ADSS1: variants seen among roughly 807,000 people sequenced by gnomAD.
ADSS1 encodes the protein adenylosuccinate synthetase isozyme 1.
Under a neutral mutation model 59.1 loss-of-function variants are expected in ADSS1, and 57 were observed. The observed-to-expected ratio is 0.97, with a 90% CI of 0.78 to 1.20. ADSS1 has a LOEUF of 1.20. Ranked by LOEUF, ADSS1 falls within the 50% of genes most tolerant of loss-of-function variation. The pLI is 0.00. For missense variants in ADSS1, 603 were observed against 610.3 expected, an observed-to-expected ratio of 0.99 and a Z score of 0.13; for synonymous variants, 247 against 249.4, an observed-to-expected ratio of 0.99 and a Z score of 0.09.
rs1891240553 is a variant in ADSS1, at chr14:104,739,228, C to T, written c.359-100C>T. On this transcript the variant is annotated intron_variant, in intron 3 of 12. Coordinates refer to ENST00000330877, the MANE Select transcript of ADSS1 (RefSeq NM_152328.5). ...TCAGCCTCCTCCCTGCATGCCTTAC[C>T]TGGATGGGAGCCGGGCGAGCTAGCC... 5 of 1,315,048 alleles carry T rather than the reference C, an allele frequency of 3.8e-6. No homozygotes were observed. The South Asian group carries it at 6.5e-5, about 17-fold the overall frequency. 81.5% of individuals were successfully genotyped at this position (1,315,048 alleles called of 1,614,324 possible). A position where few individuals can be genotyped will look rare whatever the true frequency, so the allele number is the denominator to read the frequency against.
intron 12 of ADSS1, 112 bp downstream of exon 12, chr14:104,746,497 C>A: frequency 1.4e-6 from 2 of 1,385,042 alleles, no homozygotes; most frequent in Non-Finnish European, 1.9e-6. Context: ...GGTCACCAAG[C>A]GAATATATTG....
At position 104,735,662 on chromosome 14, in the gene ADSS1, G is replaced by A. The variant is rs117966472; in HGVS notation, c.295+540G>A. Among the ~76,000 whole-genome samples, 362 of 152,272 alleles carry A rather than the reference G, an allele frequency of 2.4e-3. 3 individuals carry two copies. In the South Asian group the frequency reaches 0.027, roughly 11 times the overall value. Reference sequence around the variant, plus strand: ...CCCCTTCCCAGTCCGTGCTGCAGAGGGACCTCCTTCCACATCGCCTGCCCC... The same window carrying A: ...CCCCTTCCCAGTCCGTGCTGCAGAGAGACCTCCTTCCACATCGCCTGCCCC... On this transcript the variant is annotated intron_variant, in intron 2 of 12. Transcript: ENST00000330877.
chr14:104,741,520 C>T (rs112092024), intron 8 of ADSS1, among the ~76,000 whole-genome samples: 6 of 152,272 alleles, frequency 3.9e-5, no homozygotes, highest in African/African-American at 1.2e-4. Context: ...CAGAGCCAGC[C>T]CTTCCGATGG....
At chr14:104,746,183 C>T in intron 11 of ADSS1, 53 bp from the exon 12 acceptor site, 1 of 1,552,208 alleles carries the variant, frequency 6.4e-7, no homozygotes, top group Non-Finnish European at 8.8e-7. Context: ...TATCCGCTTC[C>T]CTGGTGATAG....
intron 1 of ADSS1, 78 bp from the exon 2 acceptor site, chr14:104,734,942 A>C: frequency 7.9e-7 from 1 of 1,272,322 alleles, no homozygotes; most frequent in Non-Finnish European, 1.1e-6. Context: ...GGACAGACGA[A>C]GCCCCATGTG....
Position 104,724,233 on chromosome 14 carries a change from T to A in ADSS1, c.-38T>A. On this transcript the variant is annotated 5_prime_UTR_variant, in exon 1 of 13. Transcript: ENST00000330877. Reference sequence around the variant, plus strand: ...GGCGCGGACGCCGGCGGCGGCGGGCTCCTGGCCGGGCCAGCGCAGCGGAAG... The same window carrying A: ...GGCGCGGACGCCGGCGGCGGCGGGCACCTGGCCGGGCCAGCGCAGCGGAAG... 1 of 1,220,946 alleles carries A rather than the reference T, an allele frequency of 8.2e-7. No homozygotes were observed. The highest frequency in any genetic ancestry group is 1.0e-6 in the Non-Finnish European group (1 of 980,672). 75.6% of individuals were successfully genotyped at this position (1,220,946 alleles called of 1,614,324 possible). A position where few individuals can be genotyped will look rare whatever the true frequency, so the allele number is the denominator to read the frequency against.
intron 1 of ADSS1, among the ~76,000 whole-genome samples, chr14:104,726,696 G>A (rs1029903962): frequency 1.3e-5 from 2 of 152,212 alleles, no homozygotes; most frequent in Non-Finnish European, 2.9e-5. Context: ...GTCTCCAGGC[G>A]CACAGAGGCC....
chr14:104,745,201 G>A, intron 11 of ADSS1: 1 of 354,050 alleles, frequency 2.8e-6, no homozygotes. Context: ...ACCTTCAGCT[G>A]CCTTGAGGAA....
chr14:104,746,228 T>G lies in ADSS1; in HGVS notation c.1172-8T>G. On this transcript the variant is annotated splice_polypyrimidine_tract_variant and splice_region_variant and intron_variant, in intron 11 of 12. Transcript: ENST00000330877. ...GGGCCCCACTCATCTCCTGTGTGCT[T>G]CCCCCAGCTAACCAGGAGATGCTTC... 6.2e-7 allele frequency: 1 copy of G among 1,603,652 alleles called. No individual in the cohort carries two copies. The highest frequency in any genetic ancestry group is 8.5e-7 in the Non-Finnish European group (1 of 1,172,298).
chr14:104,744,489 G>C (rs879559973), intron 10 of ADSS1: 2 of 262,540 alleles, frequency 7.6e-6, no homozygotes, highest in African/African-American at 2.2e-5. Context: ...GGATGAAACT[G>C]TCCCACCTCT....
intron 1 of ADSS1, among the ~76,000 whole-genome samples, chr14:104,724,973 G>T (rs76459533): frequency 0.013 from 2,021 of 152,290 alleles, 22 homozygotes; most frequent in South Asian, 0.034. Context: ...GGGTGACCCC[G>T]GTGAGTCAGC....
intron 1 of ADSS1, chr14:104,730,354 C>A: frequency 1.0e-6 from 1 of 955,302 alleles, no homozygotes; most frequent in Non-Finnish European, 1.5e-6. Flanking sequence ...TCTGGGCATG[C>A]TGGTGGGCGC....
At chr14:104,736,380 A>G (rs964101796) in intron 2 of ADSS1, among the ~76,000 whole-genome samples, 1 of 152,254 alleles carries the variant, frequency 6.6e-6, no homozygotes. Flanking sequence ...CCCACATGGC[A>G]GGAAACAAGG....
At chr14:104,730,054 T>C in intron 1 of ADSS1, 1 of 1,570,506 alleles carries the variant, frequency 6.4e-7, no homozygotes, top group Non-Finnish European at 8.6e-7. Flanking sequence ...CCGTGCCAGC[T>C]CAGCCCACCC....
chr14:104,738,309 T>G, intron 2 of ADSS1, 67 bp from the exon 3 acceptor site: 1 of 1,559,574 alleles, frequency 6.4e-7, no homozygotes, highest in Non-Finnish European at 8.8e-7. Flanking sequence ...TTTCATGCTG[T>G]TCTTAATGTA....
Position 104,746,243 on chromosome 14 carries a change from G to A in ADSS1, c.1179G>A (p.Gln393=). The A allele has an allele frequency of 6.2e-7, 1 of 1,608,774 alleles. No individual in the cohort carries two copies. The highest frequency in any genetic ancestry group is 8.5e-7 in the Non-Finnish European group (1 of 1,175,976). ...GKRIPYFPAN[Q]EMLQKVEVEY... ...CCTGTGTGCTTCCCCCAGCTAACCAGGAGATGCTTCAGAAGGTCGAAGTTG... is the reference window on the plus strand; with the variant it reads ...CCTGTGTGCTTCCCCCAGCTAACCAAGAGATGCTTCAGAAGGTCGAAGTTG... The change falls in exon 12 of 13, where the codon CAG becomes CAA. Residue 393 remains glutamine (Q), a synonymous_variant. Transcript: ENST00000330877.
At position 104,744,926 on chromosome 14, in the gene ADSS1, A is replaced by G; in HGVS notation, c.1171+17A>G. 2 of 1,611,996 alleles carry G rather than the reference A, an allele frequency of 1.2e-6. No individual in the cohort carries two copies. Among genetic ancestry groups the G allele is most frequent in the Non-Finnish European group, 8.5e-7 (1 of 1,178,306 alleles). On this transcript the variant is annotated intron_variant, in intron 11 of 12. Transcript: ENST00000330877. ...ATTTCCCAGGTATGTGAAGTGGGGC[A>G]ACCGTTCTGCCTGTTGGGCCGTTTC...
Position 104,741,258 on chromosome 14 carries a change from G to C in ADSS1, c.793+15G>C. On this transcript the variant is annotated intron_variant, in intron 8 of 12. Transcript: ENST00000330877. ...CATTGACTTCGGTATGTCCGGGAGGGTGTGCGTGCCAACGACCTTTCGTGC... is the reference window on the plus strand; with the variant it reads ...CATTGACTTCGGTATGTCCGGGAGGCTGTGCGTGCCAACGACCTTTCGTGC... 4 of 1,544,638 alleles carry C rather than the reference G, an allele frequency of 2.6e-6. No homozygotes were observed. The highest frequency in any genetic ancestry group is 3.5e-6 in the Non-Finnish European group (4 of 1,144,108).
chr14:104,746,802 A>C (rs1384896472), intron 12 of ADSS1, 149 bp from the exon 13 acceptor site: 5 of 797,618 alleles, frequency 6.3e-6, no homozygotes, highest in Non-Finnish European at 1.0e-5. Flanking sequence ...CACTACCTTC[A>C]TAACTTAAAA....
Sources: allele counts gnomAD v4.1 joint callset (sites outside exome capture counted in the v4.1 genomes callset), GRCh38; gene constraint gnomAD v4.1.1; transcripts MANE v1.5; gene names NCBI Gene and HGNC (gene_info 2026-07-23, HGNC 2026-07-21).